The following DAB1 variants were observed in gnomAD, a reference collection of about 807,000 sequenced individuals.
The protein encoded by DAB1 is disabled homolog 1.
In DAB1, 15 loss-of-function variants were observed where a neutral mutation model predicts 64.6. The observed-to-expected ratio is 0.23, with a 90% CI of 0.16 to 0.36. The LOEUF (loss-of-function observed/expected upper bound fraction) is 0.36, where lower values mean the gene tolerates loss of function less well. DAB1 is among the 10% of genes least tolerant of loss of function. DAB1 has a pLI of 1.00. For missense variants in DAB1, 596 were observed against 706.7 expected (o/e 0.84, Z 1.78); for synonymous variants, 235 against 251.9 (o/e 0.93, Z 0.64).
chr1:58,258,402 T>C (rs948447360), intron 4 of DAB1, among the ~76,000 whole-genome samples: 3 of 152,332 alleles, frequency 2.0e-5, no homozygotes, highest in Non-Finnish European at 4.4e-5. Flanking sequence ...AGCTGGGAGC[T>C]TCCTGGAAAA....
At chr1:58,342,885 T>C (rs769168340) in intron 4 of DAB1, among the ~76,000 whole-genome samples, 14 of 152,138 alleles carry the variant, frequency 9.2e-5, no homozygotes, top group East Asian at 3.9e-4. Context: ...GAGTCTAACA[T>C]TGGTTGTTCA....
intron 5 of DAB1, chr1:58,048,148 T>C (rs965370154): frequency 7.9e-7 from 1 of 1,260,094 alleles, no homozygotes; most frequent in East Asian, 2.3e-5. Flanking sequence ...CTCTGGCTCT[T>C]CTCTCCTGCT....
At chr1:57,544,392 C>T (rs1420390421) in intron 7 of DAB1, among the ~76,000 whole-genome samples, 1 of 152,168 alleles carries the variant, frequency 6.6e-6, no homozygotes, top group East Asian at 1.9e-4. Context: ...AGATTAAAGG[C>T]TAACAGAAAT....
intron 5 of DAB1, among the ~76,000 whole-genome samples, chr1:58,069,880 T>C (rs976900136): frequency 2.0e-5 from 3 of 152,200 alleles, no homozygotes; most frequent in African/African-American, 7.2e-5. Flanking sequence ...TATGCTTTTT[T>C]CATTAACCTT....
At position 57,354,255 on chromosome 1, in the gene DAB1, C is replaced by T. The variant is rs150852508; in HGVS notation, c.-136-63089G>A. ...TAAAAATAAAGTAGTATCTGGCTGA[C>T]ATTCCTAGCATCATATCCAGAGAGA... On this transcript the variant is annotated intron_variant, in intron 1 of 14. Transcript: ENST00000371236. Among the ~76,000 whole-genome samples the T allele has an allele frequency of 6.3e-4, 96 of 152,190 alleles. No homozygotes were observed. In the Middle Eastern group the frequency reaches 0.01, roughly 16 times the overall value.
chr1:57,756,761 A>T (rs1177234441), intron 6 of DAB1, among the ~76,000 whole-genome samples: 1 of 152,204 alleles, frequency 6.6e-6, no homozygotes, highest in Admixed American at 6.5e-5. Context: ...ACAAGTAAGT[A>T]GCCTTCTCTA....
At chr1:57,713,949 A>T (rs1462360385) in intron 6 of DAB1, among the ~76,000 whole-genome samples, 1 of 152,146 alleles carries the variant, frequency 6.6e-6, no homozygotes, top group East Asian at 1.9e-4. Context: ...TGATTTATTC[A>T]TTCATTCCAC....
At chr1:57,695,331 A>G (rs1299661428) in intron 6 of DAB1, among the ~76,000 whole-genome samples, 1 of 122,558 alleles carries the variant, frequency 8.2e-6, no homozygotes, top group African/African-American at 3.0e-5. Context: ...AAAGAAAGAA[A>G]GAAAGAAAGA....
chr1:57,822,864 T>A (rs190028758), downstream of DAB1, among the ~76,000 whole-genome samples: 4 of 152,308 alleles, frequency 2.6e-5, no homozygotes, highest in Admixed American at 2.6e-4. Flanking sequence ...ATATTTATCC[T>A]TTTTTCAAAC....
In DAB1 at chr1:57,263,608, A is replaced by T. The variant is rs17421219; in HGVS notation, c.67+27356T>A. 7.5e-3 allele frequency among the ~76,000 whole-genome samples: 1,142 copies of T among 152,332 alleles called. 30 individuals are homozygous for T. The East Asian group carries it at 0.08, about 11-fold the overall frequency. On this transcript the variant is annotated intron_variant, in intron 2 of 14. Coordinates refer to ENST00000371236, the MANE Select transcript of DAB1 (RefSeq NM_001365792.1). ...GTAGCAGCCACAGCAGTAAAGGATT[A>T]GGATGCTATCTGTCCTTTCTGAGTG...
intron 6 of DAB1, among the ~76,000 whole-genome samples, chr1:57,696,260 C>T (rs1051185469): frequency 2.0e-5 from 3 of 152,050 alleles, no homozygotes; most frequent in Non-Finnish European, 2.9e-5. Flanking sequence ...CTCTGTTCCC[C>T]GGGAAACAGG....
intron 6 of DAB1, among the ~76,000 whole-genome samples, chr1:57,786,416 C>A (rs1650342882): frequency 1.3e-5 from 2 of 152,078 alleles, no homozygotes; most frequent in African/African-American, 4.8e-5. Flanking sequence ...CTTTTCAAGT[C>A]TTAATTTTAA....
At chr1:58,381,737 T>C (rs920378312) in intron 3 of DAB1, among the ~76,000 whole-genome samples, 63 of 152,352 alleles carry the variant, frequency 4.1e-4, no homozygotes, top group African/African-American at 1.5e-3. Flanking sequence ...AGTTCTTTTC[T>C]GGGTATGTTA....
At chr1:57,527,337 C>T (rs1327310954) in intron 7 of DAB1, among the ~76,000 whole-genome samples, 2 of 152,134 alleles carry the variant, frequency 1.3e-5, no homozygotes, top group Non-Finnish European at 2.9e-5. Flanking sequence ...TTTCTTAACT[C>T]AGATTTGACC....
chr1:58,127,746 G>A (rs1009040067), intron 5 of DAB1, among the ~76,000 whole-genome samples: 1 of 151,352 alleles, frequency 6.6e-6, no homozygotes. Context: ...TTTTTCTCAG[G>A]TTTGTCAAAG....
At chr1:57,589,388 CT>C (rs1431241448) in intron 7 of DAB1, among the ~76,000 whole-genome samples, 7 of 151,932 alleles carry the variant, frequency 4.6e-5, no homozygotes, top group Admixed American at 4.6e-4. Context: ...AGGATAATAT[CT>C]TTGATTTTTT....
At chr1:58,379,147 G>A (rs895091959) in intron 3 of DAB1, among the ~76,000 whole-genome samples, 9 of 151,672 alleles carry the variant, frequency 5.9e-5, no homozygotes, top group Non-Finnish European at 8.8e-5. Flanking sequence ...CTTCTGCGTC[G>A]CTCACGCTGG....
chr1:58,061,472 T>A (rs1445034777), intron 5 of DAB1, among the ~76,000 whole-genome samples: 1 of 152,288 alleles, frequency 6.6e-6, no homozygotes, highest in Admixed American at 6.5e-5. Context: ...AGAAGAGTCA[T>A]ACTGATCTCT....
At chr1:57,308,225 G>C (rs1255004017) in intron 1 of DAB1, among the ~76,000 whole-genome samples, 1 of 152,190 alleles carries the variant, frequency 6.6e-6, no homozygotes, top group Admixed American at 6.5e-5. Context: ...GTGCCCATTA[G>C]CTTTCAGCTT....
Sources: gnomAD v4.1 joint callset for allele counts (sites outside exome capture counted in the v4.1 genomes callset) on GRCh38, gnomAD v4.1.1 for gene constraint, MANE v1.5 for transcripts, NCBI Gene and HGNC (gene_info 2026-07-23, HGNC 2026-07-21) for gene names.